Variants in AKAP12 observed in about 807,000 individuals in gnomAD.
AKAP12 encodes the protein A-kinase anchor protein 12.
In AKAP12, 32 loss-of-function variants were observed where a neutral mutation model predicts 79.9. The ratio of observed to expected loss-of-function variants is 0.40; its 90% CI spans 0.30 to 0.54. AKAP12 has a LOEUF of 0.54. AKAP12 is among the 20% of genes least tolerant of loss of function. The pLI is 0.48. For missense variants in AKAP12, 2,074 were observed against 2,177.0 expected (o/e 0.95, Z 0.94); for synonymous variants, 808 against 857.0 (o/e 0.94, Z 1.00).
chr6:151,294,903 C>T (rs1215155405), intron 2 of AKAP12, among the ~76,000 whole-genome samples: 1 of 152,128 alleles, frequency 6.6e-6, no homozygotes, highest in East Asian at 1.9e-4. Context: ...AGAGAGGGTT[C>T]CTTGAGGAAC....
At chr6:151,324,411 C>T (rs1282389924) in intron 3 of AKAP12, 4 of 985,370 alleles carry the variant, frequency 4.1e-6, no homozygotes, top group South Asian at 4.7e-5. Flanking sequence ...TGTGGTGCAT[C>T]GCGCCCCCTG....
chr6:151,325,882 A>G, intron 3 of AKAP12: 9 of 1,614,198 alleles, frequency 5.6e-6, no homozygotes, highest in Middle Eastern at 1.7e-4. Flanking sequence ...CATCACCATC[A>G]CAGGTAAGGC....
Position 151,353,742 on chromosome 6 carries a change from AC to A in AKAP12, c.*3del. On this transcript the variant is annotated 3_prime_UTR_variant, in exon 4 of 5. Transcript: ENST00000402676. The stretch of plus-strand genomic sequence containing the variant: ...AAGTCAGAACTTACAGAATCTTAAA[AC>A]ATCATGCAGGTAAGCTTCCTTGTCT... The A allele has an allele frequency of 6.4e-7, 1 of 1,561,716 alleles. No individual in the cohort carries two copies. The highest frequency in any genetic ancestry group is 8.7e-7 in the Non-Finnish European group (1 of 1,155,734).
intron 2 of AKAP12, among the ~76,000 whole-genome samples, chr6:151,273,750 T>C (rs2473606): frequency 0.74 from 113,000 of 151,804 alleles, 43,358 homozygotes; most frequent in East Asian, 0.92. Flanking sequence ...ATGAGGCCAG[T>C]TGGGCGCAGT....
chr6:151,333,726 A>G (rs1037713802), intron 3 of AKAP12, among the ~76,000 whole-genome samples: 24 of 144,202 alleles, frequency 1.7e-4, no homozygotes, highest in African/African-American at 6.0e-4. Flanking sequence ...GCAACAGAGC[A>G]AGACTGTGAC....
intron 2 of AKAP12, among the ~76,000 whole-genome samples, chr6:151,266,460 C>T (rs549815217): frequency 1.5e-4 from 23 of 152,274 alleles, no homozygotes; most frequent in Non-Finnish European, 4.4e-5. Flanking sequence ...GGCACTGGAT[C>T]TGTGGAAGGA....
At chr6:151,258,211 C>T (rs1797339589) in intron 2 of AKAP12, among the ~76,000 whole-genome samples, 1 of 152,148 alleles carries the variant, frequency 6.6e-6, no homozygotes, top group Non-Finnish European at 1.5e-5. Flanking sequence ...TGAACTTGAA[C>T]GAAGATCAGG....
intron 3 of AKAP12, among the ~76,000 whole-genome samples, chr6:151,339,958 G>A (rs912322908): frequency 9.3e-5 from 14 of 149,864 alleles, no homozygotes; most frequent in African/African-American, 2.7e-4. Flanking sequence ...ACAGAGTCTC[G>A]CTCTGTTGCC....
intron 2 of AKAP12, among the ~76,000 whole-genome samples, chr6:151,300,312 T>A (rs1413262141): frequency 6.6e-6 from 1 of 152,184 alleles, no homozygotes; most frequent in Non-Finnish European, 1.5e-5. Context: ...TTCTTGGTCA[T>A]ACTGCCCGGG....
intron 3 of AKAP12, chr6:151,324,913 G>A (rs7742734): frequency 0.37 from 368,105 of 985,140 alleles, 75,242 homozygotes; most frequent in African/African-American, 0.79. Context: ...TTTGATTTCC[G>A]AGTTGTGTGC....
At chr6:151,282,924 T>G (rs1776436643) in intron 2 of AKAP12, among the ~76,000 whole-genome samples, 1 of 152,256 alleles carries the variant, frequency 6.6e-6, no homozygotes, top group Admixed American at 6.5e-5. Flanking sequence ...GTTTTTATCT[T>G]GGCTAAGCTC....
At chr6:151,318,729 G>C (rs925603874) in intron 3 of AKAP12, among the ~76,000 whole-genome samples, 1 of 151,898 alleles carries the variant, frequency 6.6e-6, no homozygotes, top group African/African-American at 2.4e-5. Context: ...TGAGCCCAGG[G>C]GTTTGAGACT....
chr6:151,248,808 T>C (rs867965230), intron 2 of AKAP12, among the ~76,000 whole-genome samples: 37 of 151,918 alleles, frequency 2.4e-4, no homozygotes, highest in African/African-American at 8.5e-4. Flanking sequence ...GCCAACATGG[T>C]GAAACCCCAT....
At chr6:151,270,037 C>A (rs566386021) in intron 2 of AKAP12, among the ~76,000 whole-genome samples, 10 of 152,082 alleles carry the variant, frequency 6.6e-5, no homozygotes, top group Non-Finnish European at 1.5e-4. Context: ...CATGTTATAG[C>A]GTACATCAGT....
intron 2 of AKAP12, among the ~76,000 whole-genome samples, chr6:151,288,487 G>A (rs996515253): frequency 1.5e-4 from 23 of 152,198 alleles, no homozygotes; most frequent in Admixed American, 5.9e-4. Flanking sequence ...ACTCCAGCCT[G>A]GGGGACAGAG....
intron 2 of AKAP12, among the ~76,000 whole-genome samples, chr6:151,242,234 G>T (rs1430171862): frequency 6.6e-6 from 1 of 152,050 alleles, no homozygotes; most frequent in Non-Finnish European, 1.5e-5. Context: ...CCACCGCCCC[G>T]GCTTTTATAC....
intron 3 of AKAP12, among the ~76,000 whole-genome samples, chr6:151,320,513 G>A (rs886776083): frequency 4.0e-5 from 6 of 151,886 alleles, no homozygotes; most frequent in African/African-American, 1.5e-4. Context: ...CTCCCTCATT[G>A]CCCCTAATCC....
chr6:151,250,858 G>A (rs1277220419), intron 2 of AKAP12, among the ~76,000 whole-genome samples: 9 of 151,968 alleles, frequency 5.9e-5, no homozygotes, highest in Admixed American at 1.3e-4. Flanking sequence ...CACCCGCCTC[G>A]GCCTCCCAAA....
chr6:151,280,787 T>C (rs1776389305), intron 2 of AKAP12, among the ~76,000 whole-genome samples: 1 of 151,914 alleles, frequency 6.6e-6, no homozygotes, highest in African/African-American at 2.4e-5. Flanking sequence ...ACTACAGTTG[T>C]AGGCCATCAC....
Sources: gnomAD v4.1 joint callset for allele counts (sites outside exome capture counted in the v4.1 genomes callset) on GRCh38, gnomAD v4.1.1 for gene constraint, MANE v1.5 for transcripts, NCBI Gene and HGNC (gene_info 2026-07-23, HGNC 2026-07-21) for gene names.